The following MYCBP2 variants were observed in gnomAD, a reference collection of about 807,000 sequenced individuals.
MYCBP2 encodes E3 ubiquitin-protein ligase MYCBP2.
Under a neutral mutation model 525.3 loss-of-function variants are expected in MYCBP2, and 120 were observed. The observed-to-expected ratio is 0.23, with a 90% CI of 0.20 to 0.27. The LOEUF (loss-of-function observed/expected upper bound fraction) is 0.27, where lower values mean the gene tolerates loss of function less well. Ranked by LOEUF, MYCBP2 falls within the 10% of genes least tolerant of loss-of-function variation. MYCBP2 has a pLI of 1.00. For synonymous variants in MYCBP2, 1,894 were observed against 1,955.8 expected (o/e 0.97, Z 0.83); for missense variants, 4,149 against 5,657.1 (o/e 0.73, Z 8.55).
intron 28 of MYCBP2, among the ~76,000 whole-genome samples, chr13:77,191,041 G>T (rs1427434025): frequency 6.6e-6 from 1 of 152,110 alleles, no homozygotes; most frequent in African/African-American, 2.4e-5. Flanking sequence ...GTTGGATTTA[G>T]AGTCAACAGG....
At chr13:77,150,397 C>T (rs774381101) in intron 47 of MYCBP2, among the ~76,000 whole-genome samples, 1 of 152,170 alleles carries the variant, frequency 6.6e-6, no homozygotes, top group Non-Finnish European at 1.5e-5. Context: ...CCTCCTTGGC[C>T]TCCCAAAGCC....
intron 55 of MYCBP2, chr13:77,118,552 G>T: frequency 1.3e-6 from 1 of 755,100 alleles, no homozygotes; most frequent in Non-Finnish European, 2.4e-6. Context: ...ATCCAAAATG[G>T]CAAAGTAAAT....
At chr13:77,197,122 T>C (rs562641829) in intron 26 of MYCBP2, among the ~76,000 whole-genome samples, 1 of 152,318 alleles carries the variant, frequency 6.6e-6, no homozygotes, top group South Asian at 2.1e-4. Context: ...GAGCTGAGGC[T>C]TGACTATTGA....
chr13:77,178,027 G>T, intron 34 of MYCBP2, 73 bp from the exon 35 acceptor site: 1 of 917,736 alleles, frequency 1.1e-6, no homozygotes, highest in Non-Finnish European at 1.8e-6. Context: ...TTTCTAAGAA[G>T]TCTAATAAAA....
intron 58 of MYCBP2, 114 bp downstream of exon 58, chr13:77,095,244 T>C: frequency 7.8e-7 from 1 of 1,288,216 alleles, no homozygotes. Context: ...GAAGTTTGTT[T>C]ATAGTACACA....
intron 23 of MYCBP2, among the ~76,000 whole-genome samples, chr13:77,210,840 C>T (rs2063915230): frequency 6.6e-6 from 1 of 152,118 alleles, no homozygotes; most frequent in African/African-American, 2.4e-5. Flanking sequence ...ACTTATATGG[C>T]ACCTAGTATG....
At chr13:77,231,901 T>C (rs2067185720) in intron 18 of MYCBP2, among the ~76,000 whole-genome samples, 1 of 152,234 alleles carries the variant, frequency 6.6e-6, no homozygotes, top group Non-Finnish European at 1.5e-5. Flanking sequence ...GTATCTTTTC[T>C]TTTTGGAATC....
intron 1 of MYCBP2, among the ~76,000 whole-genome samples, chr13:77,319,095 G>T (rs537836135): frequency 6.6e-6 from 1 of 152,178 alleles, no homozygotes; most frequent in African/African-American, 2.4e-5. Flanking sequence ...GGGTGCCTTG[G>T]TGCAGTTTGG....
At chr13:77,138,391 C>A (rs890448454) in intron 52 of MYCBP2, among the ~76,000 whole-genome samples, 2 of 152,106 alleles carry the variant, frequency 1.3e-5, no homozygotes, top group Non-Finnish European at 2.9e-5. Context: ...ATGGAATATA[C>A]TGAATGGTTT....
rs150117946 is a variant in MYCBP2, at chr13:77,100,552, T to C, written c.8141-1539A>G. 1.0e-3 allele frequency among the ~76,000 whole-genome samples: 156 copies of C among 152,222 alleles called. 1 individual carries two copies. Among genetic ancestry groups the C allele is most frequent in the Middle Eastern group, 3.4e-3 (1 of 294 alleles). ...CACAGGACAGAGGTGACATTAGTTA[T>C]TGATGTGCAAGGGTTAGATGCTTGC... On this transcript the variant is annotated intron_variant, in intron 55 of 82. Coordinates refer to ENST00000544440, the MANE Select transcript of MYCBP2 (RefSeq NM_015057.5).
rs398023536 is a variant in MYCBP2, at chr13:77,326,240, GACACACACACACAC to G, written c.302+220_302+233del. On this transcript the variant is annotated intron_variant, in intron 1 of 82. Coordinates refer to ENST00000544440, the MANE Select transcript of MYCBP2 (RefSeq NM_015057.5). The surrounding 1 kb of genome is among the most constrained non-coding windows in gnomAD (Gnocchi z 4.2). Reference sequence around the variant, plus strand: ...CACTATCCCCCCACATAGGCAGGCAGACACACACACACACACACACACACACACACACACACACA... The same window carrying G: ...CACTATCCCCCCACATAGGCAGGCAGACACACACACACACACACACACACA... 1.9e-4 allele frequency among the ~76,000 whole-genome samples: 24 copies of G among 127,878 alleles called. No individual in the cohort carries two copies. The highest frequency in any genetic ancestry group is 4.6e-4 in the East Asian group (2 of 4,312). The allele number at this position is 127,878 out of a possible 152,430, so 83.9% of individuals were successfully genotyped here.
chr13:77,267,990 A>C, intron 7 of MYCBP2, 53 bp from the exon 8 acceptor site: 1 of 1,181,836 alleles, frequency 8.5e-7, no homozygotes, highest in South Asian at 1.2e-5. Context: ...AATTCAGCAG[A>C]AACAGCAGCC....
intron 10 of MYCBP2, among the ~76,000 whole-genome samples, chr13:77,262,472 C>T (rs2073463662): frequency 6.6e-6 from 1 of 151,986 alleles, no homozygotes; most frequent in African/African-American, 2.4e-5. Flanking sequence ...AGGCATTATA[C>T]AATTCACAAA....
chr13:77,070,644 T>A lies in MYCBP2; in HGVS notation c.11891A>T (p.Asn3964Ile), dbSNP rs1185779420. Residue 3964 changes from asparagine to isoleucine, a missense_variant, in exon 69 of 83, where the codon AAC becomes ATC. By Grantham distance (149) the Asn-to-Ile change is moderately radical. Transcript: ENST00000544440. ...CTGTTAACCAACCTGTTTTTGTAAGTTAGTCAGCTTACTCCTGCTGAATAT... is the reference window on the plus strand; with the variant it reads ...CTGTTAACCAACCTGTTTTTGTAAGATAGTCAGCTTACTCCTGCTGAATAT... Reference protein sequence around the residue: ...GIIFSRSKLTNLQKQVCAHIV... With the variant: ...GIIFSRSKLTILQKQVCAHIV... 1 of 1,608,544 alleles carries A rather than the reference T, an allele frequency of 6.2e-7. No individual in the cohort carries two copies. The highest frequency in any genetic ancestry group is 1.7e-5 in the Admixed American group (1 of 59,652).
chr13:77,096,999 C>CT (rs1179083503), intron 56 of MYCBP2, among the ~76,000 whole-genome samples: 1 of 152,100 alleles, frequency 6.6e-6, no homozygotes, highest in African/African-American at 2.4e-5. Flanking sequence ...AGAAATCAAT[C>CT]TAATCTAATT....
chr13:77,134,493 C>G (rs1195498644), intron 52 of MYCBP2, among the ~76,000 whole-genome samples: 1 of 151,802 alleles, frequency 6.6e-6, no homozygotes, highest in African/African-American at 2.4e-5. Flanking sequence ...AAGATCGTGC[C>G]ACTGAACTCC....
In MYCBP2 at chr13:77,095,611, G is replaced by GA. The variant is rs747441064; in HGVS notation, c.9955-10dup. The GA allele has an allele frequency of 2.5e-6, 4 of 1,603,742 alleles. No individual in the cohort carries two copies. The Admixed American group carries it at 5.1e-5, about 21-fold the overall frequency. ...CTCCTAGATTGTTTGACCTGGCGAAGAAAAAAATCAAACTAATCTTTTCTG... is the reference window on the plus strand; with the variant it reads ...CTCCTAGATTGTTTGACCTGGCGAAGAAAAAAAATCAAACTAATCTTTTCTG... On this transcript the variant is annotated splice_polypyrimidine_tract_variant and intron_variant, in intron 57 of 82. Transcript: ENST00000544440.
chr13:77,316,794 T>A (rs1186233639), intron 1 of MYCBP2, among the ~76,000 whole-genome samples: 1 of 144,770 alleles, frequency 6.9e-6, no homozygotes, highest in Non-Finnish European at 1.6e-5. Flanking sequence ...GCCTTTCTCG[T>A]GTCCATTTAC....
At chr13:77,312,459 G>A (rs2080373891) in intron 1 of MYCBP2, among the ~76,000 whole-genome samples, 1 of 152,004 alleles carries the variant, frequency 6.6e-6, no homozygotes, top group Admixed American at 6.6e-5. Flanking sequence ...GGGGAGGGGA[G>A]AATAAAAGGA....
Sources: allele counts gnomAD v4.1 joint callset (sites outside exome capture counted in the v4.1 genomes callset), GRCh38; gene constraint gnomAD v4.1.1; non-coding constraint Gnocchi (gnomAD v3.1); transcripts MANE v1.5; gene names NCBI Gene and HGNC (gene_info 2026-07-23, HGNC 2026-07-21).